The following SLIT3 variants were observed in gnomAD, a reference collection of about 807,000 sequenced individuals.
SLIT3 encodes the protein slit homolog 3 protein.
SLIT3 carries 68 observed loss-of-function variants against 184.0 expected under a neutral mutation model. The ratio of observed to expected loss-of-function variants is 0.37; its 90% CI spans 0.30 to 0.45. SLIT3 has a LOEUF of 0.45. Among genes scored for constraint, SLIT3 ranks in the 20% least tolerant of loss-of-function variants. SLIT3 has a pLI of 1.00. For missense variants in SLIT3, 1,707 were observed against 2,026.0 expected (o/e 0.84, Z 3.02); for synonymous variants, 831 against 828.6 (o/e 1.00, Z -0.05).
At chr5:168,877,856 G>A (rs1581169455) in intron 5 of SLIT3, among the ~76,000 whole-genome samples, 1 of 136,956 alleles carries the variant, frequency 7.3e-6, no homozygotes, top group African/African-American at 2.5e-5. Context: ...CAGGGCAAGG[G>A]GACATTTAAA....
intron 4 of SLIT3, among the ~76,000 whole-genome samples, chr5:169,100,728 ATCC>A (rs1759977014): frequency 6.6e-6 from 1 of 152,144 alleles, no homozygotes; most frequent in Non-Finnish European, 1.5e-5. Flanking sequence ...GGGTCATTCC[ATCC>A]TCCAGTGATC....
intron 4 of SLIT3, among the ~76,000 whole-genome samples, chr5:168,899,034 T>C (rs1760778718): frequency 8.2e-6 from 1 of 122,544 alleles, no homozygotes; most frequent in African/African-American, 2.6e-5. Flanking sequence ...AAAGTCAGGC[T>C]AAAAGCATAT....
chr5:168,932,754 G>A (rs7731687), intron 4 of SLIT3, among the ~76,000 whole-genome samples: 24,837 of 152,162 alleles, frequency 0.16, 3,087 homozygotes, highest in African/African-American at 0.35. Flanking sequence ...TGCCTGCCCC[G>A]TAGGGCTTCT....
At chr5:168,933,467 G>C (rs935902991) in intron 4 of SLIT3, among the ~76,000 whole-genome samples, 1 of 152,132 alleles carries the variant, frequency 6.6e-6, no homozygotes, top group Admixed American at 6.5e-5. Context: ...GCTTGAACCC[G>C]GGAGGCGGAG....
chr5:169,102,928 A>AT (rs1760073249), intron 4 of SLIT3, among the ~76,000 whole-genome samples: 2 of 152,308 alleles, frequency 1.3e-5, no homozygotes, highest in Middle Eastern at 3.4e-3. Flanking sequence ...AAATCATTGG[A>AT]TTTTAAACTT....
intron 4 of SLIT3, among the ~76,000 whole-genome samples, chr5:168,962,349 C>CACACACG (rs1561576430): frequency 1.2e-3 from 184 of 152,034 alleles, no homozygotes; most frequent in African/African-American, 4.3e-3. Flanking sequence ...CACACACACA[C>CACACACG]AGTGGTACCC....
At chr5:168,876,387 C>A (rs907609915) in intron 5 of SLIT3, among the ~76,000 whole-genome samples, 2 of 152,158 alleles carry the variant, frequency 1.3e-5, no homozygotes, top group African/African-American at 4.8e-5. Flanking sequence ...CCCCAATAAA[C>A]CCCCATTGCT....
At chr5:169,194,375 CA>C (rs1763675372) in intron 3 of SLIT3, among the ~76,000 whole-genome samples, 1 of 151,658 alleles carries the variant, frequency 6.6e-6, no homozygotes, top group Non-Finnish European at 1.5e-5. Flanking sequence ...CATGGCAGAT[CA>C]CCTTGGACTG....
Position 168,975,455 on chromosome 5 carries a change from A to ACC in SLIT3, c.414-92121_414-92120dup, listed in dbSNP as rs1283389696. Among the ~76,000 whole-genome samples, 1,360 of 149,790 alleles carry ACC rather than the reference A, an allele frequency of 9.1e-3. 23 individuals carry two copies. Among genetic ancestry groups the ACC allele is most frequent in the African/African-American group, 0.032 (1,301 of 40,138 alleles). On this transcript the variant is annotated intron_variant, in intron 4 of 35. Coordinates refer to ENST00000519560, the MANE Select transcript of SLIT3 (RefSeq NM_003062.4). ...TTCCTTCATTTGTGAACATACAGAC[A>ACC]CCCCCCCACACACACAGACATCCAC...
chr5:169,300,719 G>A lies in SLIT3; in HGVS notation c.-10C>T, dbSNP rs1767656683. On this transcript the variant is annotated 5_prime_UTR_variant, in exon 1 of 36. Coordinates refer to ENST00000519560, the MANE Select transcript of SLIT3 (RefSeq NM_003062.4). The surrounding 1 kb of genome is among the most constrained non-coding windows in gnomAD (Gnocchi z 4.1). ...CCCACCCGGGGGCCATGGTGTGCAG[G>A]GCCCCGCTCCTGGAGGAGGCTGCCT... The A allele has an allele frequency of 7.6e-7, 1 of 1,317,670 alleles. No homozygotes were observed. The highest frequency in any genetic ancestry group is 3.1e-5 in the East Asian group (1 of 31,856). The allele number at this position is 1,317,670 out of a possible 1,614,324, so 81.6% of individuals were successfully genotyped here. A position where few individuals can be genotyped will look rare whatever the true frequency, so the allele number is the denominator to read the frequency against.
At chr5:169,175,440 G>C (rs1300804825) in intron 4 of SLIT3, among the ~76,000 whole-genome samples, 1 of 152,078 alleles carries the variant, frequency 6.6e-6, no homozygotes, top group African/African-American at 2.4e-5. Flanking sequence ...TTTAGCTTGA[G>C]CAAATTATTT....
chr5:168,833,813 T>C (rs969474421), intron 6 of SLIT3, among the ~76,000 whole-genome samples: 1 of 152,346 alleles, frequency 6.6e-6, no homozygotes, highest in African/African-American at 2.4e-5. Flanking sequence ...ATTTAACCTT[T>C]GTGAGGGAGT....
At chr5:168,873,210 G>C (rs1456353454) in intron 5 of SLIT3, among the ~76,000 whole-genome samples, 1 of 152,156 alleles carries the variant, frequency 6.6e-6, no homozygotes. Context: ...GCCTTGCCAT[G>C]ACCCATTCTG....
chr5:169,123,652 A>G (rs1235418267), intron 4 of SLIT3, among the ~76,000 whole-genome samples: 2 of 152,212 alleles, frequency 1.3e-5, no homozygotes, highest in Admixed American at 1.3e-4. Flanking sequence ...TCTTAAACAA[A>G]TGAGATCTAG....
intron 4 of SLIT3, among the ~76,000 whole-genome samples, chr5:168,903,949 C>G (rs922978511): frequency 5.9e-5 from 9 of 152,170 alleles, no homozygotes; most frequent in African/African-American, 2.2e-4. Flanking sequence ...GACAGGGGAA[C>G]TGAGTTTGTT....
chr5:169,025,061 G>T (rs567980701), intron 4 of SLIT3: 1 of 152,326 alleles, frequency 6.6e-6, no homozygotes, highest in Non-Finnish European at 1.5e-5. Flanking sequence ...TCAGGGCAAA[G>T]TATAGGAAGA....
intron 18 of SLIT3, among the ~76,000 whole-genome samples, chr5:168,749,863 C>T (rs1754640141): frequency 6.6e-6 from 1 of 152,158 alleles, no homozygotes; most frequent in African/African-American, 2.4e-5. Context: ...CAAGCCCTGG[C>T]TGTGTGAACT....
At chr5:168,788,206 C>T (rs1756229161) in intron 11 of SLIT3, among the ~76,000 whole-genome samples, 1 of 152,172 alleles carries the variant, frequency 6.6e-6, no homozygotes, top group Non-Finnish European at 1.5e-5. Context: ...CGGCTCCTCT[C>T]CCTTCTCCTC....
At chr5:169,247,180 C>T (rs1765621593) in intron 2 of SLIT3, among the ~76,000 whole-genome samples, 2 of 148,232 alleles carry the variant, frequency 1.3e-5, no homozygotes, top group South Asian at 2.2e-4. Flanking sequence ...TGCACCATTG[C>T]ACTCCAGCCT....
Sources: gnomAD v4.1 joint callset for allele counts (sites outside exome capture counted in the v4.1 genomes callset) on GRCh38, gnomAD v4.1.1 for gene constraint, Gnocchi (gnomAD v3.1) non-coding constraint, MANE v1.5 for transcripts, NCBI Gene and HGNC (gene_info 2026-07-23, HGNC 2026-07-21) for gene names.